The following COLGALT2 variants were observed in gnomAD, a reference collection of about 807,000 sequenced individuals.
The protein encoded by COLGALT2 is collagen beta(1-O)galactosyltransferase 2.
A neutral mutation model predicts 73.4 loss-of-function variants in COLGALT2; 49 were observed. The ratio of observed to expected loss-of-function variants is 0.67; its 90% CI spans 0.53 to 0.85. COLGALT2 has a LOEUF of 0.85. COLGALT2 is among the 40% of genes least tolerant of loss of function. The probability of loss-of-function intolerance (pLI) is 0.00; values close to 1 mark genes in which losing one functional copy is unlikely to be tolerated. For synonymous variants in COLGALT2, 295 were observed against 307.6 expected (o/e 0.96, Z 0.43); for missense variants, 722 against 790.2 (o/e 0.91, Z 1.03).
intron 6 of COLGALT2, among the ~76,000 whole-genome samples, chr1:183,957,338 G>A (rs1190537639): frequency 2.6e-5 from 4 of 152,056 alleles, no homozygotes; most frequent in South Asian, 2.1e-4. Flanking sequence ...CTCCTTTACC[G>A]GAGCTCTTAA....
rs1192279125 is a variant in COLGALT2 at position 184,037,290 on chromosome 1, T to A, written c.68A>T (p.Glu23Val). 6.5e-7 allele frequency: 1 copy of A among 1,546,160 alleles called. No individual in the cohort carries two copies. The highest frequency in any genetic ancestry group is 1.4e-5 in the African/African-American group (1 of 72,572). Reference protein sequence around the residue: ...LLLLSSALLREGCRARFVAER... With the variant: ...LLLLSSALLRVGCRARFVAER... ...GGCGACGAAGCGCGCTCGGCAGCCT[T>A]CGCGGAGCAGGGCTGAGGAGAGGAG... is the stretch of plus-strand genomic sequence containing the variant. The change falls in exon 1 of 12, where the codon GAA (glutamate) becomes GTA (valine). Residue 23 changes from glutamate (E) to valine (V), a missense_variant. Coordinates refer to ENST00000361927, the MANE Select transcript of COLGALT2 (RefSeq NM_015101.4).
At chr1:183,939,989 G>A (rs2148675) in intron 11 of COLGALT2, among the ~76,000 whole-genome samples, 25,192 of 152,160 alleles carry the variant, frequency 0.17, 2,305 homozygotes, top group Admixed American at 0.25. Context: ...TTTGATAAGC[G>A]CTAGGTCAGG....
intron 1 of COLGALT2, 71 bp downstream of exon 1, chr1:184,037,024 C>A: frequency 7.9e-7 from 1 of 1,261,104 alleles, no homozygotes; most frequent in African/African-American, 1.6e-5. Flanking sequence ...GCTGCTGCTC[C>A]GGGCGCTGTC....
At chr1:183,988,915 G>C (rs1371956624) in intron 1 of COLGALT2, among the ~76,000 whole-genome samples, 1 of 152,084 alleles carries the variant, frequency 6.6e-6, no homozygotes, top group Non-Finnish European at 1.5e-5. Flanking sequence ...TTTACCCTTT[G>C]TGGAGAATCT....
At chr1:184,014,494 T>C (rs1648935009) in intron 1 of COLGALT2, among the ~76,000 whole-genome samples, 1 of 152,186 alleles carries the variant, frequency 6.6e-6, no homozygotes, top group Non-Finnish European at 1.5e-5. Context: ...AACTTGATTA[T>C]GGAAACCAGA....
intron 1 of COLGALT2, among the ~76,000 whole-genome samples, chr1:184,020,958 G>A (rs1474649423): frequency 6.6e-6 from 1 of 151,990 alleles, no homozygotes; most frequent in African/African-American, 2.4e-5. Flanking sequence ...CATGGCATGG[G>A]GGCTGGCATT....
At chr1:183,933,503 C>T (rs1669886288), downstream of COLGALT2, among the ~76,000 whole-genome samples, 1 of 152,224 alleles carries the variant, frequency 6.6e-6, no homozygotes, top group Non-Finnish European at 1.5e-5. Flanking sequence ...AGTTAAAGCC[C>T]TTCAGGCCAC....
At chr1:183,933,269 T>TGTGCTCTGAGCA (rs763119575), downstream of COLGALT2, among the ~76,000 whole-genome samples, 3 of 152,124 alleles carry the variant, frequency 2.0e-5, no homozygotes, top group Non-Finnish European at 1.5e-5. Flanking sequence ...TTCTCCCCAC[T>TGTGCTCTGAGCA]CCTTGCACTT....
intron 1 of COLGALT2, among the ~76,000 whole-genome samples, chr1:184,023,139 G>A (rs933699976): frequency 2.0e-5 from 3 of 152,200 alleles, no homozygotes; most frequent in African/African-American, 7.2e-5. Context: ...TTACTAAGGG[G>A]AAGACTCCTT....
downstream of COLGALT2, among the ~76,000 whole-genome samples, chr1:183,931,796 TA>T (rs760880492): frequency 7.4e-3 from 960 of 130,214 alleles, 3 homozygotes; most frequent in African/African-American, 0.016. Context: ...TGCAGCAAGT[TA>T]AAAAAAAAAA....
At chr1:183,987,121 A>G (rs935720010) in intron 1 of COLGALT2, among the ~76,000 whole-genome samples, 1 of 152,168 alleles carries the variant, frequency 6.6e-6, no homozygotes, top group Non-Finnish European at 1.5e-5. Flanking sequence ...TTTCAGCATA[A>G]TTTTCCTTGG....
rs1401576954 is a variant in COLGALT2 at position 183,969,332 on chromosome 1, G to GT, written c.768dup (p.His257ThrfsTer9). The GT allele has an allele frequency of 6.2e-7, 1 of 1,613,894 alleles. No homozygotes were observed. The highest frequency in any genetic ancestry group is 1.1e-5 in the South Asian group (1 of 91,046). ...TCAAAGGTCCAGGTGTAGTCCTGGT[G>GT]TGGGGGGTAGAAAGTCAGCTTGTCC... is the stretch of plus-strand genomic sequence containing the variant. On this transcript the variant is annotated frameshift_variant, in exon 5 of 12. Transcript: ENST00000361927. LOFTEE classifies it high-confidence loss of function.
At chr1:183,978,757 G>A (rs775123727) in intron 1 of COLGALT2, among the ~76,000 whole-genome samples, 6 of 152,154 alleles carry the variant, frequency 3.9e-5, no homozygotes, top group South Asian at 2.1e-4. Flanking sequence ...ATTGGAGAAC[G>A]TGTAAATGGT....
At position 183,952,992 on chromosome 1, in the gene COLGALT2, A is replaced by G. The variant is rs145528433; in HGVS notation, c.1029+1770T>C. On this transcript the variant is annotated intron_variant, in intron 7 of 11. Coordinates refer to ENST00000361927, the MANE Select transcript of COLGALT2 (RefSeq NM_015101.4). ...CCACCTGAGGTCACTCTAAGAGAAC[A>G]AAAACAGAACAGAACAAAAAATCAA... Among the ~76,000 whole-genome samples the G allele has an allele frequency of 2.6e-4, 40 of 152,338 alleles. No homozygotes were observed. The East Asian group carries it at 7.1e-3, about 27-fold the overall frequency.
At chr1:183,985,943 T>C (rs1316183239) in intron 1 of COLGALT2, among the ~76,000 whole-genome samples, 3 of 152,132 alleles carry the variant, frequency 2.0e-5, no homozygotes, top group Non-Finnish European at 4.4e-5. Context: ...CTCACTGGTG[T>C]AGAAAATAAA....
chr1:183,938,338 C>A lies in COLGALT2; in HGVS notation c.*423G>T, dbSNP rs376972155. On this transcript the variant is annotated 3_prime_UTR_variant, in exon 12 of 12. Transcript: ENST00000361927. ...AGTTTTCAATGTCATATAAAACGGA[C>A]AAACTAGACCAATAAGTGTGGTCTA... 8.5e-5 allele frequency: 85 copies of A among 999,096 alleles called. No homozygotes were observed. The African/African-American group carries it at 1.4e-3, about 16-fold the overall frequency. 61.9% of individuals were successfully genotyped at this position (999,096 alleles called of 1,614,324 possible). A position where few individuals can be genotyped will look rare whatever the true frequency, so the allele number is the denominator to read the frequency against.
chr1:184,015,955 T>C (rs1254582095), intron 1 of COLGALT2, among the ~76,000 whole-genome samples: 1 of 152,266 alleles, frequency 6.6e-6, no homozygotes. Context: ...TTAGTGAATA[T>C]GCTGAAGAAG....
chr1:183,937,601 C>A lies in COLGALT2; in HGVS notation c.*1160G>T. 3.0e-6 allele frequency: 3 copies of A among 985,414 alleles called. No individual in the cohort carries two copies. The highest frequency in any genetic ancestry group is 3.6e-6 in the Non-Finnish European group (3 of 829,954). The allele number at this position is 985,414 out of a possible 1,614,324, so 61.0% of individuals were successfully genotyped here. On this transcript the variant is annotated 3_prime_UTR_variant, in exon 12 of 12. Coordinates refer to ENST00000361927, the MANE Select transcript of COLGALT2 (RefSeq NM_015101.4). ...TGTTTCCAAATAGTTCAAATCCCCC[C>A]ATCCACAGGCCTCCCCACAAGAGCC...
chr1:184,023,844 A>G (rs1649250545), intron 1 of COLGALT2, among the ~76,000 whole-genome samples: 1 of 151,984 alleles, frequency 6.6e-6, no homozygotes, highest in South Asian at 2.1e-4. Flanking sequence ...TTCTGACATA[A>G]TTCTCTGGGC....
Sources: allele counts gnomAD v4.1 joint callset (sites outside exome capture counted in the v4.1 genomes callset), GRCh38; gene constraint gnomAD v4.1.1; transcripts MANE v1.5; gene names NCBI Gene and HGNC (gene_info 2026-07-23, HGNC 2026-07-21).